Variants in CEMIP2 observed in about 807,000 individuals in gnomAD.
CEMIP2 encodes cell migration inducing hyaluronidase 2, also known as cell surface hyaluronidase CEMIP2.
Under a neutral mutation model 146.9 loss-of-function variants are expected in CEMIP2, and 79 were observed. That is an observed-to-expected ratio of 0.54 (90% CI 0.45 to 0.65). The LOEUF (loss-of-function observed/expected upper bound fraction) is 0.65, where lower values mean the gene tolerates loss of function less well. CEMIP2 is among the 30% of genes least tolerant of loss of function. CEMIP2 has a pLI of 0.00. For missense variants in CEMIP2, 1,596 were observed against 1,696.2 expected, an observed-to-expected ratio of 0.94 and a Z score of 1.04; for synonymous variants, 601 against 606.3, an observed-to-expected ratio of 0.99 and a Z score of 0.13.
In CEMIP2 at chr9:71,711,395, T is replaced by TAA. The variant is rs34605983; in HGVS notation, c.2769+686_2769+687dup. Among the ~76,000 whole-genome samples the TAA allele has an allele frequency of 5.9e-4, 87 of 146,254 alleles. 1 individual carries two copies. The highest frequency in any genetic ancestry group is 3.5e-3 in the Middle Eastern group (1 of 284). On this transcript the variant is annotated intron_variant, in intron 16 of 23. Transcript: ENST00000377044. ...CAGGCTAATGAGGCCCTTTCTCTAT[T>TAA]AAAAAAAAAAAAAAATTTTTTTTAA...
At position 71,745,165 on chromosome 9, in the gene CEMIP2, C is replaced by T. The variant is rs778211598; in HGVS notation, c.887G>A (p.Arg296Gln). The T allele has an allele frequency of 1.4e-5, 22 of 1,613,968 alleles. No homozygotes were observed. The highest frequency in any genetic ancestry group is 1.6e-4 in the Middle Eastern group (1 of 6,084). The change falls in exon 4 of 24, where the codon CGG becomes CAG. Residue 296 changes from arginine to glutamine, a missense_variant. Arg to Gln is a conservative substitution (Grantham distance 43). Coordinates refer to ENST00000377044, the MANE Select transcript of CEMIP2 (RefSeq NM_013390.3). ...DTHEYRNESRRLQEFLRFQDP... is the reference protein window; with the variant it reads ...DTHEYRNESRQLQEFLRFQDP... ...CTGGAATCTCAGAAACTCCTGAAGC[C>T]GCCTGCTCTCATTGCGGTATTCATG...
chr9:71,687,479 T>TGTGTGTGC (rs1322379142), intron 22 of CEMIP2: 1 of 152,008 alleles, frequency 6.6e-6, no homozygotes, highest in Non-Finnish European at 1.5e-5. Context: ...TGTGTGTGTG[T>TGTGTGTGC]GTGTGTGTGT....
intron 21 of CEMIP2, among the ~76,000 whole-genome samples, chr9:71,694,088 C>A (rs1168349469): frequency 6.7e-6 from 1 of 148,796 alleles, no homozygotes; most frequent in East Asian, 2.0e-4. Context: ...AAATAAATTT[C>A]TGTTGTTTAT....
Position 71,741,942 on chromosome 9 carries a change from G to A in CEMIP2, c.1035-1710C>T, listed in dbSNP as rs139822089. Among the ~76,000 whole-genome samples the A allele has an allele frequency of 2.0e-3, 309 of 152,060 alleles. 2 individuals carry two copies. The highest frequency in any genetic ancestry group is 6.9e-3 in the African/African-American group (285 of 41,482). On this transcript the variant is annotated intron_variant, in intron 4 of 23. Coordinates refer to ENST00000377044, the MANE Select transcript of CEMIP2 (RefSeq NM_013390.3). ...ATTACAGGCATGAGCCACCACACCC[G>A]GCCTAAAAACATTTCTGATACTAAA... is the stretch of plus-strand genomic sequence containing the variant.
intron 1 of CEMIP2, among the ~76,000 whole-genome samples, chr9:71,767,249 G>A (rs7873437): frequency 0.063 from 9,654 of 152,198 alleles, 453 homozygotes; most frequent in Non-Finnish European, 0.091. Flanking sequence ...GCTCTGGGGA[G>A]TCAGGCCTCC....
At position 71,709,300 on chromosome 9, in the gene CEMIP2, A is replaced by G; in HGVS notation, c.2944T>C (p.Ser982Pro). ...LIRHPSCVNV[S>P]KWNAVICSGT... ...CTGCAGATCACTGCATTCCACTTAG[A>G]CACATTTACACAGCTTGGATGGCGG... Residue 982 changes from serine (S) to proline (P), a missense_variant, in exon 17 of 24, where the codon TCT becomes CCT. Ser to Pro is a moderately conservative substitution (Grantham distance 74). Coordinates refer to ENST00000377044, the MANE Select transcript of CEMIP2 (RefSeq NM_013390.3). 1 of 1,614,154 alleles carries G rather than the reference A, an allele frequency of 6.2e-7. No individual in the cohort carries two copies. The highest frequency in any genetic ancestry group is 8.5e-7 in the Non-Finnish European group (1 of 1,180,004).
chr9:71,720,611 G>A (rs1823206916), intron 12 of CEMIP2, among the ~76,000 whole-genome samples: 3 of 152,166 alleles, frequency 2.0e-5, no homozygotes, highest in Admixed American at 2.0e-4. Flanking sequence ...TGTTCAGTCA[G>A]CTTCCTCTTT....
In CEMIP2 at chr9:71,725,644, C is replaced by A; in HGVS notation, c.2115G>T (p.Leu705Phe). 2 of 1,613,950 alleles carry A rather than the reference C, an allele frequency of 1.2e-6. No individual in the cohort carries two copies. Among genetic ancestry groups the A allele is most frequent in the Non-Finnish European group, 8.5e-7 (1 of 1,179,960 alleles). Residue 705 changes from leucine to phenylalanine, a missense_variant, in exon 11 of 24, where the codon TTG (leucine) becomes TTT (phenylalanine). By Grantham distance (22) the Leu-to-Phe change is conservative. Transcript: ENST00000377044. ...CCAATGGAGTGAGTTCTGGTTTTGC[C>A]AAGAGCTGCAATCCACTGGATTCCC... is the stretch of plus-strand genomic sequence containing the variant. ...PTGESSGLQL[L>F]AKPELTPLGI...
chr9:71,762,499 T>A (rs1589172962), intron 1 of CEMIP2, among the ~76,000 whole-genome samples: 2 of 13,614 alleles, frequency 1.5e-4, no homozygotes, highest in Non-Finnish European at 3.9e-4. Context: ...GCCAGCCCCG[T>A]CACCAAAAAA....
At chr9:71,686,051 G>A (rs1442223795) in intron 22 of CEMIP2, 4 of 557,150 alleles carry the variant, frequency 7.2e-6, no homozygotes, top group Non-Finnish European at 1.3e-5. Flanking sequence ...TCTTACAAGG[G>A]GTAACGCATA....
intron 2 of CEMIP2, among the ~76,000 whole-genome samples, 195 bp from the exon 3 acceptor site, chr9:71,746,536 C>T (rs1258893200): frequency 7.1e-6 from 1 of 141,124 alleles, no homozygotes; most frequent in Non-Finnish European, 1.5e-5. Flanking sequence ...CATCACATTT[C>T]CATTTTAAAG....
At position 71,685,128 on chromosome 9, in the gene CEMIP2, T is replaced by C; in HGVS notation, c.*69A>G. On this transcript the variant is annotated 3_prime_UTR_variant, in exon 24 of 24. Transcript: ENST00000377044. ...TTCCGTTGGGTTAACAGTGTCATTT[T>C]AAAATGCCATAAATTAAATAAGTTA... The C allele has an allele frequency of 1.4e-6, 2 of 1,420,890 alleles. No individual in the cohort carries two copies. The highest frequency in any genetic ancestry group is 1.9e-6 in the Non-Finnish European group (2 of 1,061,612). The allele number at this position is 1,420,890 out of a possible 1,614,324, so 88.0% of individuals were successfully genotyped here.
rs1485232782 is a variant in CEMIP2 at position 71,684,307 on chromosome 9, C to CCAGACTTGCAAAAAACCCAAGTG, written c.*889_*890insCACTTGGGTTTTTTGCAAGTCTG. On this transcript the variant is annotated 3_prime_UTR_variant, in exon 24 of 24. Transcript: ENST00000377044. ...AAAAAACCCAAGTGCAAGAGCAATA[C>CCAGACTTGCAAAAAACCCAAGTG]CAAGAACAGACTTCCTTTGTGCAAG... is the stretch of plus-strand genomic sequence containing the variant. 6 of 152,360 alleles carry CCAGACTTGCAAAAAACCCAAGTG rather than the reference C, an allele frequency of 3.9e-5. No homozygotes were observed. The highest frequency in any genetic ancestry group is 8.8e-5 in the Non-Finnish European group (6 of 68,030). The allele number at this position is 152,360 out of a possible 1,614,324, so 9.4% of individuals were successfully genotyped here.
intron 10 of CEMIP2, among the ~76,000 whole-genome samples, chr9:71,728,275 A>ATGTGTG (rs1823482080): frequency 3.9e-4 from 5 of 12,716 alleles, no homozygotes; most frequent in African/African-American, 9.3e-4. Context: ...ATATATATAT[A>ATGTGTG]TATATGTATA....
intron 2 of CEMIP2, among the ~76,000 whole-genome samples, chr9:71,748,268 A>C (rs772000201): frequency 6.6e-6 from 1 of 152,228 alleles, no homozygotes; most frequent in East Asian, 1.9e-4. Flanking sequence ...ACTTAATGAG[A>C]AAATGTGTAG....
At chr9:71,724,042 A>C (rs951022388) in intron 11 of CEMIP2, among the ~76,000 whole-genome samples, 2 of 152,198 alleles carry the variant, frequency 1.3e-5, no homozygotes, top group Non-Finnish European at 2.9e-5. Flanking sequence ...TCACACATGT[A>C]ATCCCAACAC....
In CEMIP2 at chr9:71,745,300, C is replaced by A. The variant is rs150643177; in HGVS notation, c.752G>T (p.Gly251Val). 2 of 1,613,860 alleles carry A rather than the reference C, an allele frequency of 1.2e-6. No individual in the cohort carries two copies. Among genetic ancestry groups the A allele is most frequent in the Non-Finnish European group, 1.7e-6 (2 of 1,179,800 alleles). Reference protein sequence around the residue: ...TLLARTLNSSGLPFGSYTFEK... With the variant: ...TLLARTLNSSVLPFGSYTFEK... ...AAAGGTATAGGACCCAAAGGGCAAG[C>A]CTGAGGAATTCAGGGTCCTTGCCAA... The change falls in exon 4 of 24, where the codon GGC (glycine) becomes GTC (valine). Residue 251 changes from glycine (G) to valine (V), a missense_variant. Physicochemically the swap from Gly to Val is moderately radical, Grantham distance 109 (BLOSUM62 -3). Coordinates refer to ENST00000377044, the MANE Select transcript of CEMIP2 (RefSeq NM_013390.3).
Position 71,756,552 on chromosome 9 carries a change from AAGAGAGAC to A in CEMIP2, c.-12-6175_-12-6168del, listed in dbSNP as rs1564028161. Among the ~76,000 whole-genome samples, 9 of 149,260 alleles carry A rather than the reference AAGAGAGAC, an allele frequency of 6.0e-5. No homozygotes were observed. The South Asian group carries it at 1.9e-3, about 32-fold the overall frequency. ...CACACACAAACACACACACAAGAGA[AAGAGAGAC>A]AGAGAGAGAGAAATTTCCTATTTAA... is the stretch of plus-strand genomic sequence containing the variant. On this transcript the variant is annotated intron_variant, in intron 1 of 23. Coordinates refer to ENST00000377044, the MANE Select transcript of CEMIP2 (RefSeq NM_013390.3).
intron 1 of CEMIP2, among the ~76,000 whole-genome samples, chr9:71,759,159 T>C (rs930505286): frequency 6.6e-6 from 1 of 152,196 alleles, no homozygotes; most frequent in African/African-American, 2.4e-5. Context: ...CCCTAATTGT[T>C]TATATGTCCC....
Sources: allele counts gnomAD v4.1 joint callset (sites outside exome capture counted in the v4.1 genomes callset), GRCh38; gene constraint gnomAD v4.1.1; transcripts MANE v1.5; gene names NCBI Gene and HGNC (gene_info 2026-07-23, HGNC 2026-07-21).